Variants in RNPEP observed in about 807,000 individuals in gnomAD.
RNPEP encodes the protein aminopeptidase B.
RNPEP carries 57 observed loss-of-function variants against 70.1 expected under a neutral mutation model. The ratio of observed to expected loss-of-function variants is 0.81; its 90% CI spans 0.66 to 1.01. RNPEP has a LOEUF of 1.01. RNPEP is among the 50% of genes least tolerant of loss of function. The pLI, the probability that RNPEP is intolerant of heterozygous loss-of-function variation, is 0.00. For synonymous variants in RNPEP, 335 were observed against 357.4 expected (o/e 0.94, Z 0.71); for missense variants, 787 against 852.4 (o/e 0.92, Z 0.96).
Position 202,005,646 on chromosome 1 carries a change from C to G in RNPEP, c.1883C>G (p.Ser628Cys), listed in dbSNP as rs1684031994. ...ACCCTCGCCAAGGAGACTTTTGCAT[C>G]CACCGCCTCCCAGCTCCACAGCAAT... is the stretch of plus-strand genomic sequence containing the variant. Reference protein sequence around the residue: ...AQTLAKETFASTASQLHSNVV... With the variant: ...AQTLAKETFACTASQLHSNVV... The change falls in exon 11 of 11, where the codon TCC becomes TGC. Residue 628 changes from serine to cysteine, a missense_variant. Coordinates refer to ENST00000295640, the MANE Select transcript of RNPEP (RefSeq NM_020216.4). 1 of 1,614,072 alleles carries G rather than the reference C, an allele frequency of 6.2e-7. No individual in the cohort carries two copies. Among genetic ancestry groups the G allele is most frequent in the Non-Finnish European group, 8.5e-7 (1 of 1,180,028 alleles).
In RNPEP at chr1:202,001,694, A is replaced by G; in HGVS notation, c.1353A>G (p.Leu451=). The change falls in exon 8 of 11, where the codon TTA becomes TTG. Residue 451 remains leucine (L), a synonymous_variant. Coordinates refer to ENST00000295640, the MANE Select transcript of RNPEP (RefSeq NM_020216.4). ...YVHEFKFRSI[L]ADDFLDFYLE... ...ATGAATTCAAATTCCGAAGCATCTT[A>G]GCCGATGACTTTCTGGACTTCTACT... 6.2e-7 allele frequency: 1 copy of G among 1,613,866 alleles called. No homozygotes were observed. Among genetic ancestry groups the G allele is most frequent in the Non-Finnish European group, 8.5e-7 (1 of 1,179,740 alleles).
In RNPEP at chr1:201,983,083, G is replaced by A; in HGVS notation, c.417G>A (p.Leu139=). 1 of 1,519,400 alleles carries A rather than the reference G, an allele frequency of 6.6e-7. No individual in the cohort carries two copies. Among genetic ancestry groups the A allele is most frequent in the Non-Finnish European group, 8.8e-7 (1 of 1,141,612 alleles). 94.1% of individuals were successfully genotyped at this position (1,519,400 alleles called of 1,614,324 possible). A position where few individuals can be genotyped will look rare whatever the true frequency, so the allele number is the denominator to read the frequency against. Residue 139 remains leucine, a synonymous_variant, in exon 1 of 11, where the codon CTG becomes CTA. Transcript: ENST00000295640. ...PCRAAERLQV[L]LTYRVGEGPG... is the part of the protein sequence containing the mutation. Reference sequence around the variant, plus strand: ...GCGCCGCCGAGCGCCTCCAGGTGCTGCTCACCTACCGCGTCGGGGAGGGAC... The same window carrying A: ...GCGCCGCCGAGCGCCTCCAGGTGCTACTCACCTACCGCGTCGGGGAGGGAC...
chr1:201,993,081 AGATAT>A (rs1357166157), intron 3 of RNPEP, among the ~76,000 whole-genome samples: 1 of 152,202 alleles, frequency 6.6e-6, no homozygotes. Context: ...TAAATTCATC[AGATAT>A]GATTATGTCA....
At position 201,997,252 on chromosome 1, in the gene RNPEP, A is replaced by G. The variant is rs1038693820; in HGVS notation, c.855-67A>G. On this transcript the variant is annotated intron_variant, in intron 4 of 10. Coordinates refer to ENST00000295640, the MANE Select transcript of RNPEP (RefSeq NM_020216.4). The stretch of plus-strand genomic sequence containing the variant: ...GTTAGGGCTTGGAAATAGGCTGGAA[A>G]GGGAGGCGAGGTAGGGTCTGCTCCG... 5.9e-6 allele frequency: 7 copies of G among 1,194,620 alleles called. No homozygotes were observed. In the African/African-American group the frequency reaches 9.0e-5, roughly 15 times the overall value. 74.0% of individuals were successfully genotyped at this position (1,194,620 alleles called of 1,614,324 possible).
At chr1:201,999,685 G>T (rs991318276) in intron 5 of RNPEP, among the ~76,000 whole-genome samples, 1 of 152,216 alleles carries the variant, frequency 6.6e-6, no homozygotes, top group Non-Finnish European at 1.5e-5. Context: ...CAAGTCCTTT[G>T]TAGCCCACAG....
chr1:201,989,081 A>T, intron 2 of RNPEP, 37 bp downstream of exon 2: 1 of 1,586,240 alleles, frequency 6.3e-7, no homozygotes, highest in South Asian at 1.1e-5. Context: ...TGCCCTTGGG[A>T]TGAAGAAATG....
chr1:201,984,839 T>C lies in RNPEP; in HGVS notation c.447+1726T>C, dbSNP rs1218088325. On this transcript the variant is annotated intron_variant, in intron 1 of 10. Coordinates refer to ENST00000295640, the MANE Select transcript of RNPEP (RefSeq NM_020216.4). ...TTTCTTTCTTTTTTTTTTTTTTTTT[T>C]TTTTTTTTTTTTTTTTTTGAGAAGG... is the stretch of plus-strand genomic sequence containing the variant. 5.0e-3 allele frequency among the ~76,000 whole-genome samples: 675 copies of C among 133,900 alleles called. 32 individuals carry two copies. The highest frequency in any genetic ancestry group is 0.037 in the East Asian group (182 of 4,974). 87.8% of individuals were successfully genotyped at this position (133,900 alleles called of 152,430 possible).
In RNPEP at chr1:201,993,046, T is replaced by C. The variant is rs187107529; in HGVS notation, c.738-3101T>C. Among the ~76,000 whole-genome samples, 4 of 152,322 alleles carry C rather than the reference T, an allele frequency of 2.6e-5. No individual in the cohort carries two copies. The East Asian group carries it at 5.8e-4, about 22-fold the overall frequency. Reference sequence around the variant, plus strand: ...CATCCCCTCATTTAAGCAGAAGGTCTTGTCTCCTGTTTTATTGAGAATATT... The same window carrying C: ...CATCCCCTCATTTAAGCAGAAGGTCCTGTCTCCTGTTTTATTGAGAATATT... On this transcript the variant is annotated intron_variant, in intron 3 of 10. Coordinates refer to ENST00000295640, the MANE Select transcript of RNPEP (RefSeq NM_020216.4).
chr1:202,004,634 C>T, intron 10 of RNPEP, 138 bp downstream of exon 10: 1 of 1,017,734 alleles, frequency 9.8e-7, no homozygotes, highest in Admixed American at 2.4e-5. Flanking sequence ...AGGACCCTAC[C>T]ACTCAGCCTC....
chr1:201,996,847 G>A (rs900339186), intron 4 of RNPEP, among the ~76,000 whole-genome samples: 1 of 152,092 alleles, frequency 6.6e-6, no homozygotes, highest in Non-Finnish European at 1.5e-5. Context: ...AGTTTGAGAT[G>A]GGGCAGCACC....
chr1:201,999,757 C>T (rs577276105), intron 5 of RNPEP, 145 bp from the exon 6 acceptor site: 15 of 625,420 alleles, frequency 2.4e-5, no homozygotes, highest in Non-Finnish European at 3.4e-5. Context: ...CCTGGGTCCC[C>T]AGGAGGGTAA....
intron 1 of RNPEP, among the ~76,000 whole-genome samples, chr1:201,986,528 T>TTTCC (rs1558258963): frequency 9.8e-6 from 1 of 102,388 alleles, no homozygotes; most frequent in East Asian, 2.8e-4. Flanking sequence ...TAAAGTGCCA[T>TTTCC]TTTCTTTCTT....
At chr1:201,989,337 G>A in intron 2 of RNPEP, 46 bp from the exon 3 acceptor site, 1 of 1,601,434 alleles carries the variant, frequency 6.2e-7, no homozygotes, top group South Asian at 1.1e-5. Flanking sequence ...CTAATCAAAA[G>A]GAAACTCTCT....
At chr1:201,985,738 T>G (rs1325823305) in intron 1 of RNPEP, among the ~76,000 whole-genome samples, 1 of 152,214 alleles carries the variant, frequency 6.6e-6, no homozygotes, top group Non-Finnish European at 1.5e-5. Flanking sequence ...AATAATATAT[T>G]TGTTATAATT....
At chr1:201,988,793 A>G (rs921056023) in intron 1 of RNPEP, 111 bp from the exon 2 acceptor site, 52 of 1,324,578 alleles carry the variant, frequency 3.9e-5, no homozygotes, top group East Asian at 7.2e-5. Context: ...TGGCTGGCGG[A>G]AAGGTTTTAA....
intron 1 of RNPEP, 122 bp from the exon 2 acceptor site, chr1:201,988,782 C>A: frequency 2.5e-6 from 3 of 1,215,552 alleles, no homozygotes; most frequent in Non-Finnish European, 3.4e-6. Context: ...TCAAACCAGA[C>A]TGGCTGGCGG....
intron 5 of RNPEP, among the ~76,000 whole-genome samples, chr1:201,998,794 G>T (rs10920301): frequency 0.34 from 51,901 of 152,018 alleles, 10,336 homozygotes; most frequent in Non-Finnish European, 0.44. Flanking sequence ...GAGCTGGCTG[G>T]TTCCAAAACC....
chr1:201,987,177 A>G (rs6701746), intron 1 of RNPEP, among the ~76,000 whole-genome samples: 88,113 of 151,664 alleles, frequency 0.58, 25,702 homozygotes, highest in Non-Finnish European at 0.6. Flanking sequence ...GCCTCTCCTC[A>G]TGTTGCTGCT....
intron 4 of RNPEP, 117 bp from the exon 5 acceptor site, chr1:201,997,202 C>T (rs765197448): frequency 2.6e-6 from 2 of 776,674 alleles, no homozygotes; most frequent in Non-Finnish European, 4.5e-6. Flanking sequence ...CGAAGTCGTA[C>T]TCTGCCTGTT....
Sources: gnomAD v4.1 joint callset for allele counts (sites outside exome capture counted in the v4.1 genomes callset) on GRCh38, gnomAD v4.1.1 for gene constraint, MANE v1.5 for transcripts, NCBI Gene and HGNC (gene_info 2026-07-23, HGNC 2026-07-21) for gene names.